SGCZ: variants seen among roughly 807,000 people sequenced by gnomAD.
SGCZ encodes sarcoglycan zeta.
Under a neutral mutation model 41.3 loss-of-function variants are expected in SGCZ, and 40 were observed. The observed-to-expected ratio is 0.97, with a 90% CI of 0.75 to 1.26. The LOEUF (loss-of-function observed/expected upper bound fraction) is 1.26, where lower values mean the gene tolerates loss of function less well. Among genes scored for constraint, SGCZ ranks in the 50% most tolerant of loss-of-function variants. SGCZ has a pLI of 0.00. For synonymous variants in SGCZ, 206 were observed against 137.5 expected, an observed-to-expected ratio of 1.50 and a Z score of -3.49; for missense variants, 552 against 369.8, an observed-to-expected ratio of 1.49 and a Z score of -4.04.
intron 1 of SGCZ, among the ~76,000 whole-genome samples, chr8:15,063,031 T>C (rs1489904910): frequency 1.3e-5 from 2 of 152,086 alleles, no homozygotes; most frequent in Non-Finnish European, 2.9e-5. Flanking sequence ...AGCCATTTAA[T>C]ATATTTCCCA....
At chr8:14,169,907 AGAGACCAGCATAGAAAGACACTCTTG>A (rs1298460909) in intron 4 of SGCZ, among the ~76,000 whole-genome samples, 2 of 152,166 alleles carry the variant, frequency 1.3e-5, no homozygotes, top group Non-Finnish European at 2.9e-5. Flanking sequence ...GCTGAAAGGC[AGAGACCAGCATAGAAAGACACTCTTG>A]GAGAAATTGC....
intron 2 of SGCZ, among the ~76,000 whole-genome samples, chr8:14,399,613 A>ATTTTGT (rs1799017289): frequency 6.6e-6 from 1 of 152,090 alleles, no homozygotes; most frequent in African/African-American, 2.4e-5. Flanking sequence ...GTATTTTGCA[A>ATTTTGT]ATGCAAAATT....
chr8:14,424,576 C>CTATA (rs1429814826), intron 2 of SGCZ, among the ~76,000 whole-genome samples: 1 of 152,002 alleles, frequency 6.6e-6, no homozygotes, highest in Admixed American at 6.5e-5. Flanking sequence ...TTTGGAACTA[C>CTATA]TATATCATCT....
intron 1 of SGCZ, among the ~76,000 whole-genome samples, chr8:14,990,674 T>C (rs1213330524): frequency 6.6e-6 from 1 of 152,114 alleles, no homozygotes; most frequent in Admixed American, 6.5e-5. Flanking sequence ...GTATAATTAT[T>C]TCATCATATA....
At chr8:15,069,654 C>T (rs10503527) in intron 1 of SGCZ, among the ~76,000 whole-genome samples, 3,396 of 152,238 alleles carry the variant, frequency 0.022, 57 homozygotes, top group Non-Finnish European at 0.036. Context: ...TTTTGCTTAC[C>T]GCATATGACT....
In SGCZ at chr8:14,584,503, G is replaced by A. The variant is rs1336525073; in HGVS notation, c.40-29577C>T. Among the ~76,000 whole-genome samples, 4 of 152,098 alleles carry A rather than the reference G, an allele frequency of 2.6e-5. No individual in the cohort carries two copies. The South Asian group carries it at 8.3e-4, about 32-fold the overall frequency. On this transcript the variant is annotated intron_variant, in intron 1 of 7. Transcript: ENST00000382080. ...ACTACATATATGCCATTAATGTATT[G>A]TGAGCATTGACATAAGGAACACAGG... is the stretch of plus-strand genomic sequence containing the variant.
intron 1 of SGCZ, among the ~76,000 whole-genome samples, chr8:15,142,420 T>C (rs1798914806): frequency 6.6e-6 from 1 of 152,210 alleles, no homozygotes; most frequent in South Asian, 2.1e-4. Flanking sequence ...GCCTCTAAAA[T>C]TGGGAGTACC....
rs1801533073 is a variant in SGCZ at position 14,086,754 on chromosome 8, C to T, written c.*3689G>A. Among the ~76,000 whole-genome samples the T allele has an allele frequency of 2.6e-5, 4 of 151,474 alleles. No individual in the cohort carries two copies. In the South Asian group the frequency reaches 8.3e-4, roughly 31 times the overall value. ...GTGTAAAAGGGAGTATAAAAAAGAGCATAGGAAGTAGCGTGCCAAAAAGGT... is the reference window on the plus strand; with the variant it reads ...GTGTAAAAGGGAGTATAAAAAAGAGTATAGGAAGTAGCGTGCCAAAAAGGT... On this transcript the variant is annotated 3_prime_UTR_variant, in exon 8 of 8. Transcript: ENST00000382080.
At position 14,823,199 on chromosome 8, in the gene SGCZ, G is replaced by T. The variant is rs550232882; in HGVS notation, c.40-268273C>A. Among the ~76,000 whole-genome samples, 398 of 151,410 alleles carry T rather than the reference G, an allele frequency of 2.6e-3. 2 individuals are homozygous for T. The highest frequency in any genetic ancestry group is 8.9e-3 in the African/African-American group (368 of 41,258). ...GAAATTTTTAAATAAGACTTCAAAAGCACAGGTAACAAAAGCAAAAATATA... is the reference window on the plus strand; with the variant it reads ...GAAATTTTTAAATAAGACTTCAAAATCACAGGTAACAAAAGCAAAAATATA... On this transcript the variant is annotated intron_variant, in intron 1 of 7. Coordinates refer to ENST00000382080, the MANE Select transcript of SGCZ (RefSeq NM_139167.4).
intron 1 of SGCZ, among the ~76,000 whole-genome samples, chr8:14,708,242 T>G (rs1190982022): frequency 6.6e-6 from 1 of 152,078 alleles, no homozygotes; most frequent in East Asian, 1.9e-4. Flanking sequence ...TGCAACATAT[T>G]AGTACATTCA....
chr8:14,781,669 T>G (rs1214016486), intron 1 of SGCZ, among the ~76,000 whole-genome samples: 2 of 152,186 alleles, frequency 1.3e-5, no homozygotes, highest in Non-Finnish European at 2.9e-5. Flanking sequence ...TAGACGTTCC[T>G]CAACTTGTGA....
chr8:14,223,557 G>T lies in SGCZ; in HGVS notation c.424+14035C>A, dbSNP rs976118946. On this transcript the variant is annotated intron_variant, in intron 4 of 7. Coordinates refer to ENST00000382080, the MANE Select transcript of SGCZ (RefSeq NM_139167.4). ...ACCAATATATATATATATTTTAACAGAATTAGTGAGCTGTTGGAACTAACA... is the reference window on the plus strand; with the variant it reads ...ACCAATATATATATATATTTTAACATAATTAGTGAGCTGTTGGAACTAACA... Among the ~76,000 whole-genome samples the T allele has an allele frequency of 3.3e-5, 5 of 150,478 alleles. No homozygotes were observed. In the East Asian group the frequency reaches 7.8e-4, roughly 23 times the overall value.
chr8:15,089,911 C>G (rs983175141), intron 1 of SGCZ, among the ~76,000 whole-genome samples: 1 of 152,102 alleles, frequency 6.6e-6, no homozygotes, highest in African/African-American at 2.4e-5. Flanking sequence ...AAAGAACAAT[C>G]AAGTATGTAG....
At chr8:14,485,927 C>G (rs939110400) in intron 2 of SGCZ, among the ~76,000 whole-genome samples, 6 of 146,856 alleles carry the variant, frequency 4.1e-5, no homozygotes, top group Non-Finnish European at 8.9e-5. Context: ...CTGCAAGCTC[C>G]GCTTCCCGGG....
At chr8:14,707,184 T>A (rs1053946217) in intron 1 of SGCZ, among the ~76,000 whole-genome samples, 5 of 59,888 alleles carry the variant, frequency 8.3e-5, no homozygotes, top group African/African-American at 2.8e-4. Context: ...CCCTCCCCCC[T>A]CCCCCCACCC....
chr8:14,614,642 C>T (rs1275157293), intron 1 of SGCZ, among the ~76,000 whole-genome samples: 1 of 152,138 alleles, frequency 6.6e-6, no homozygotes, highest in Admixed American at 6.5e-5. Context: ...TGAGTTGGTA[C>T]TACCAACAGT....
At chr8:14,980,610 G>A (rs1801628134) in intron 1 of SGCZ, among the ~76,000 whole-genome samples, 1 of 152,146 alleles carries the variant, frequency 6.6e-6, no homozygotes, top group Non-Finnish European at 1.5e-5. Flanking sequence ...TTACGTGAAT[G>A]GCAGCAGGCA....
intron 1 of SGCZ, among the ~76,000 whole-genome samples, chr8:14,744,013 G>T (rs972807333): frequency 6.6e-6 from 1 of 152,096 alleles, no homozygotes; most frequent in Non-Finnish European, 1.5e-5. Context: ...TACAGGTTTT[G>T]CATGCCTGAA....
chr8:14,108,253 A>G lies in SGCZ; in HGVS notation c.548-18T>C. The G allele has an allele frequency of 6.2e-7, 1 of 1,612,908 alleles. No homozygotes were observed. Among genetic ancestry groups the G allele is most frequent in the Non-Finnish European group, 8.5e-7 (1 of 1,178,928 alleles). ...TTCAGTGCCTGGGGGTAGCATGAAT[A>G]TAGCAGTCAGTATAAGCAAGTCCAC... On this transcript the variant is annotated intron_variant, in intron 5 of 7. Coordinates refer to ENST00000382080, the MANE Select transcript of SGCZ (RefSeq NM_139167.4).
Sources: gnomAD v4.1 joint callset for allele counts (sites outside exome capture counted in the v4.1 genomes callset) on GRCh38, gnomAD v4.1.1 for gene constraint, MANE v1.5 for transcripts, NCBI Gene and HGNC (gene_info 2026-07-23, HGNC 2026-07-21) for gene names.